SPOCK3: variants seen among roughly 807,000 people sequenced by gnomAD.
SPOCK3 encodes the protein testican-3.
SPOCK3 carries 30 observed loss-of-function variants against 56.6 expected under a neutral mutation model. That is an observed-to-expected ratio of 0.53 (90% CI 0.40 to 0.72). The LOEUF is 0.72. Among genes scored for constraint, SPOCK3 ranks in the 30% least tolerant of loss-of-function variants. The probability of loss-of-function intolerance (pLI) is 0.00; values close to 1 mark genes in which losing one functional copy is unlikely to be tolerated. For synonymous variants in SPOCK3, 196 were observed against 183.3 expected, an observed-to-expected ratio of 1.07 and a Z score of -0.56; for missense variants, 527 against 530.0, an observed-to-expected ratio of 0.99 and a Z score of 0.06.
chr4:166,766,154 A>C (rs778767184), intron 7 of SPOCK3, among the ~76,000 whole-genome samples: 41 of 151,920 alleles, frequency 2.7e-4, no homozygotes, highest in African/African-American at 4.6e-4. Context: ...TTGACTTCCT[A>C]TTTTCCTAAT....
At chr4:167,109,774 A>G (rs1760736977) in intron 2 of SPOCK3, among the ~76,000 whole-genome samples, 1 of 151,406 alleles carries the variant, frequency 6.6e-6, no homozygotes, top group African/African-American at 2.4e-5. Context: ...GAAAACAGAG[A>G]AAAACCAAAA....
intron 3 of SPOCK3, among the ~76,000 whole-genome samples, chr4:167,004,074 G>A (rs1177597837): frequency 1.3e-5 from 2 of 152,132 alleles, no homozygotes; most frequent in African/African-American, 2.4e-5. Flanking sequence ...GACAGATATC[G>A]TACAAGAATT....
At chr4:166,912,337 T>C (rs1737373109) in intron 5 of SPOCK3, among the ~76,000 whole-genome samples, 2 of 152,166 alleles carry the variant, frequency 1.3e-5, no homozygotes, top group Non-Finnish European at 2.9e-5. Context: ...CTAAAGCTAT[T>C]GTACAGCATG....
At chr4:166,766,816 C>A (rs565250978) in intron 7 of SPOCK3, among the ~76,000 whole-genome samples, 3 of 152,094 alleles carry the variant, frequency 2.0e-5, no homozygotes, top group Non-Finnish European at 4.4e-5. Flanking sequence ...TCCATCTGGT[C>A]CTGGACTTTT....
intron 2 of SPOCK3, among the ~76,000 whole-genome samples, chr4:167,224,537 A>G (rs951693146): frequency 2.6e-5 from 4 of 152,224 alleles, no homozygotes; most frequent in African/African-American, 7.2e-5. Context: ...TAAAATAGCC[A>G]TGTATACCAA....
At chr4:167,081,066 A>G (rs950061334) in intron 2 of SPOCK3, among the ~76,000 whole-genome samples, 1 of 151,722 alleles carries the variant, frequency 6.6e-6, no homozygotes, top group African/African-American at 2.4e-5. Context: ...TTCTTCAAAG[A>G]ATGCTTCTTT....
intron 2 of SPOCK3, among the ~76,000 whole-genome samples, chr4:167,158,651 T>C (rs760016614): frequency 1.3e-5 from 2 of 152,026 alleles, no homozygotes; most frequent in African/African-American, 4.8e-5. Context: ...AGTAAAAGCC[T>C]AAGATTATTA....
Position 166,988,102 on chromosome 4 carries a change from C to T in SPOCK3, c.350+12247G>A, listed in dbSNP as rs75405920. Among the ~76,000 whole-genome samples the T allele has an allele frequency of 2.8e-3, 431 of 151,992 alleles. 2 individuals carry two copies. Among genetic ancestry groups the T allele is most frequent in the African/African-American group, 1.0e-2 (414 of 41,484 alleles). On this transcript the variant is annotated intron_variant, in intron 4 of 10. Coordinates refer to ENST00000357545, the MANE Select transcript of SPOCK3 (RefSeq NM_001040159.2). ...TTACACAAAGCAATAATTGTTAGAT[C>T]AAGGAATACAAACATAAGAAATGAT...
chr4:167,162,965 T>A (rs1161978982), intron 2 of SPOCK3, among the ~76,000 whole-genome samples: 2 of 151,952 alleles, frequency 1.3e-5, no homozygotes, highest in Non-Finnish European at 2.9e-5. Context: ...TTAGTTTTTT[T>A]ATTTATAATT....
chr4:167,029,882 C>T (rs186570424), intron 3 of SPOCK3, among the ~76,000 whole-genome samples: 4 of 152,072 alleles, frequency 2.6e-5, no homozygotes, highest in African/African-American at 9.6e-5. Context: ...TTCTGGAACT[C>T]ATGTTAGAAT....
At chr4:166,890,331 T>C (rs888551152) in intron 5 of SPOCK3, among the ~76,000 whole-genome samples, 5 of 151,928 alleles carry the variant, frequency 3.3e-5, no homozygotes, top group African/African-American at 9.7e-5. Context: ...GTTGCTCAAA[T>C]GCTCTCAGCC....
At chr4:167,126,410 G>A (rs577623693) in intron 2 of SPOCK3, among the ~76,000 whole-genome samples, 4 of 152,086 alleles carry the variant, frequency 2.6e-5, no homozygotes, top group Non-Finnish European at 5.9e-5. Context: ...ATAGCTGGGC[G>A]TGATGGTGCA....
At chr4:166,818,866 T>C (rs943584742) in intron 6 of SPOCK3, among the ~76,000 whole-genome samples, 4 of 152,082 alleles carry the variant, frequency 2.6e-5, no homozygotes, top group Non-Finnish European at 2.9e-5. Context: ...TCTATTTTTA[T>C]AACTGAAAGT....
At chr4:166,984,583 G>T (rs180775725) in intron 4 of SPOCK3, among the ~76,000 whole-genome samples, 118 of 152,172 alleles carry the variant, frequency 7.8e-4, no homozygotes, top group African/African-American at 2.7e-3. Context: ...TGCTAACAGG[G>T]TTAGATTTCT....
chr4:166,776,510 A>G (rs1739567753), intron 7 of SPOCK3, among the ~76,000 whole-genome samples: 1 of 152,216 alleles, frequency 6.6e-6, no homozygotes, highest in Non-Finnish European at 1.5e-5. Flanking sequence ...ATGAATTGGA[A>G]GAAAATATTC....
chr4:166,923,438 A>C (rs1015708014), intron 4 of SPOCK3, among the ~76,000 whole-genome samples: 1 of 152,232 alleles, frequency 6.6e-6, no homozygotes, highest in Non-Finnish European at 1.5e-5. Flanking sequence ...CAACAGGGAG[A>C]ATACTCAGAA....
chr4:166,918,420 C>T (rs552985553), intron 4 of SPOCK3: 1 of 152,000 alleles, frequency 6.6e-6, no homozygotes, highest in African/African-American at 2.4e-5. Flanking sequence ...CTAACCAGGC[C>T]CAGCCCTGCT....
chr4:166,848,288 G>A (rs1035209156), intron 6 of SPOCK3, among the ~76,000 whole-genome samples: 1 of 152,068 alleles, frequency 6.6e-6, no homozygotes, highest in Non-Finnish European at 1.5e-5. Flanking sequence ...ACTAGAAAAG[G>A]GAGTCAGAAA....
At position 167,225,799 on chromosome 4, in the gene SPOCK3, G is replaced by A. The variant is rs145846316; in HGVS notation, c.189+8186C>T. Reference sequence around the variant, plus strand: ...GAAAAAAAAAAATCTAAAGAGTAAAGCCTGTATGGGAATTCTGGCAAATCT... The same window carrying A: ...GAAAAAAAAAAATCTAAAGAGTAAAACCTGTATGGGAATTCTGGCAAATCT... On this transcript the variant is annotated intron_variant, in intron 2 of 10. Coordinates refer to ENST00000357545, the MANE Select transcript of SPOCK3 (RefSeq NM_001040159.2). 4.6e-5 allele frequency among the ~76,000 whole-genome samples: 7 copies of A among 152,010 alleles called. No individual in the cohort carries two copies. The East Asian group carries it at 1.4e-3, about 29-fold the overall frequency.
Sources: allele counts gnomAD v4.1 joint callset (sites outside exome capture counted in the v4.1 genomes callset), GRCh38; gene constraint gnomAD v4.1.1; transcripts MANE v1.5; gene names NCBI Gene and HGNC (gene_info 2026-07-23, HGNC 2026-07-21).